The following EPHA3 variants were observed in gnomAD, a reference collection of about 807,000 sequenced individuals.
EPHA3 encodes the protein ephrin type-A receptor 3.
Under a neutral mutation model 107.1 loss-of-function variants are expected in EPHA3, and 42 were observed. The ratio of observed to expected loss-of-function variants is 0.39; its 90% confidence interval spans 0.31 to 0.51. The LOEUF (loss-of-function observed/expected upper bound fraction) is 0.51, where lower values mean the gene tolerates loss of function less well. Among genes scored for constraint, EPHA3 ranks in the 20% least tolerant of loss-of-function variants. EPHA3 has a pLI of 0.78. For missense variants in EPHA3, 1,183 were observed against 1,211.2 expected, an observed-to-expected ratio of 0.98 and a Z score of 0.35; for synonymous variants, 461 against 424.8, an observed-to-expected ratio of 1.09 and a Z score of -1.05.
In EPHA3 at chr3:89,209,899, A is replaced by T; in HGVS notation, c.193A>T (p.Ile65Phe). The T allele has an allele frequency of 6.2e-7, 1 of 1,612,624 alleles. No individual in the cohort carries two copies. The highest frequency in any genetic ancestry group is 8.5e-7 in the Non-Finnish European group (1 of 1,179,280). ...ISGVDEHYTPIRTYQVCNVMD... is the reference protein window; with the variant it reads ...ISGVDEHYTPFRTYQVCNVMD... ...TGGTGTGGATGAACATTACACACCC[A>T]TCAGGACTTACCAGGTGTGCAATGT... The change falls in exon 3 of 17, where the codon ATC becomes TTC. Residue 65 changes from isoleucine (I) to phenylalanine (F), a missense_variant. By Grantham distance (21) the Ile-to-Phe change is conservative (BLOSUM62 0). Coordinates refer to ENST00000336596, the MANE Select transcript of EPHA3 (RefSeq NM_005233.6).
intron 5 of EPHA3, 100 bp downstream of exon 5, chr3:89,342,190 T>C: frequency 1.8e-6 from 2 of 1,084,142 alleles, no homozygotes; most frequent in Non-Finnish European, 2.6e-6. Flanking sequence ...AAAGATTTTA[T>C]AGAACCCCAG....
At position 89,472,624 on chromosome 3, in the gene EPHA3, GA is replaced by G. The variant is rs752119882; in HGVS notation, c.2846+14del. On this transcript the variant is annotated splice_donor_region_variant and intron_variant, in intron 16 of 16. Transcript: ENST00000336596. ...AATAGCCAAGATTTCCACAGAGTAA[GA>G]AAAAAAAATTCATTAAGAAGAATGA... 110 of 1,579,502 alleles carry G rather than the reference GA, an allele frequency of 7.0e-5. No individual in the cohort carries two copies. The highest frequency in any genetic ancestry group is 1.7e-4 in the Middle Eastern group (1 of 5,930).
chr3:89,476,676 C>T (rs1710517656), intron 16 of EPHA3, among the ~76,000 whole-genome samples: 2 of 151,112 alleles, frequency 1.3e-5, no homozygotes, highest in Non-Finnish European at 2.9e-5. Flanking sequence ...GGCGCGATCT[C>T]GGCTCACTGC....
Position 89,209,880 on chromosome 3 carries a change from G to A in EPHA3, c.174G>A (p.Val58=), listed in dbSNP as rs771486126. The change falls in exon 3 of 17, where the codon GTG becomes GTA. Residue 58 remains valine, a synonymous_variant. Coordinates refer to ENST00000336596, the MANE Select transcript of EPHA3 (RefSeq NM_005233.6). ...PSHGWEEISG[V]DEHYTPIRTY... is the part of the protein sequence containing the mutation. ...TTCAGTGGGAAGAGATCAGTGGTGT[G>A]GATGAACATTACACACCCATCAGGA... is the stretch of plus-strand genomic sequence containing the variant. The A allele has an allele frequency of 3.1e-6, 5 of 1,606,204 alleles. No individual in the cohort carries two copies. The highest frequency in any genetic ancestry group is 4.3e-6 in the Non-Finnish European group (5 of 1,175,786).
intron 3 of EPHA3, among the ~76,000 whole-genome samples, chr3:89,288,022 T>A (rs1322114662): frequency 2.0e-5 from 3 of 152,108 alleles, no homozygotes; most frequent in Non-Finnish European, 4.4e-5. Context: ...CATACCAGAA[T>A]TTATTTTTTT....
chr3:89,183,845 A>G (rs1367425187), intron 2 of EPHA3, among the ~76,000 whole-genome samples: 5 of 151,960 alleles, frequency 3.3e-5, no homozygotes, highest in Admixed American at 1.3e-4. Context: ...ATTCATTTGC[A>G]AAACTCTAGG....
intron 2 of EPHA3, among the ~76,000 whole-genome samples, chr3:89,140,312 T>A (rs1408868546): frequency 6.6e-6 from 1 of 151,866 alleles, no homozygotes; most frequent in Non-Finnish European, 1.5e-5. Context: ...TAAAAATTAG[T>A]ATATCATTTT....
At chr3:89,188,296 C>T (rs541102382) in intron 2 of EPHA3, among the ~76,000 whole-genome samples, 14 of 152,294 alleles carry the variant, frequency 9.2e-5, no homozygotes, top group East Asian at 1.9e-4. Context: ...TGTTGCCAAA[C>T]GCTGTGGCTC....
intron 2 of EPHA3, among the ~76,000 whole-genome samples, chr3:89,148,133 C>T (rs1429911377): frequency 6.6e-6 from 1 of 151,906 alleles, no homozygotes; most frequent in Non-Finnish European, 1.5e-5. Flanking sequence ...CAGTAACACA[C>T]ACATGTGCTC....
chr3:89,165,573 A>G (rs972453495), intron 2 of EPHA3, among the ~76,000 whole-genome samples: 4 of 152,210 alleles, frequency 2.6e-5, no homozygotes, highest in African/African-American at 9.6e-5. Flanking sequence ...AGTCAAAATG[A>G]TCCATTCAAA....
rs1176705030 is a variant in EPHA3, at chr3:89,466,506, G to C, written c.2691-5958G>C. 3.9e-5 allele frequency among the ~76,000 whole-genome samples: 5 copies of C among 129,312 alleles called. 1 individual carries two copies. The highest frequency in any genetic ancestry group is 1.7e-5 in the Non-Finnish European group (1 of 59,966). 84.8% of individuals were successfully genotyped at this position (129,312 alleles called of 152,430 possible). A position where few individuals can be genotyped will look rare whatever the true frequency, so the allele number is the denominator to read the frequency against. ...AGACTCCGTGGGCGTAGGACCCTCCGAGCCAGGTGTGGGATATAGTCTTGT... is the reference window on the plus strand; with the variant it reads ...AGACTCCGTGGGCGTAGGACCCTCCCAGCCAGGTGTGGGATATAGTCTTGT... On this transcript the variant is annotated intron_variant, in intron 15 of 16. Transcript: ENST00000336596.
At chr3:89,244,351 T>C (rs1426915333) in intron 3 of EPHA3, among the ~76,000 whole-genome samples, 1 of 152,064 alleles carries the variant, frequency 6.6e-6, no homozygotes, top group Non-Finnish European at 1.5e-5. Flanking sequence ...TATATGCTAA[T>C]ATCTAAAAAT....
intron 8 of EPHA3, among the ~76,000 whole-genome samples, chr3:89,407,788 T>C (rs990088493): frequency 6.6e-5 from 10 of 152,188 alleles, no homozygotes; most frequent in Non-Finnish European, 1.0e-4. Context: ...TGTTAAAAAA[T>C]ACTATAAACA....
At chr3:89,163,247 A>T (rs887298566) in intron 2 of EPHA3, among the ~76,000 whole-genome samples, 1 of 152,128 alleles carries the variant, frequency 6.6e-6, no homozygotes, top group Non-Finnish European at 1.5e-5. Context: ...ATTTTAAGTA[A>T]AGGACTTAAG....
At chr3:89,337,009 C>T (rs886368405) in intron 3 of EPHA3, among the ~76,000 whole-genome samples, 2 of 151,474 alleles carry the variant, frequency 1.3e-5, no homozygotes, top group African/African-American at 4.9e-5. Context: ...GTCATCATGC[C>T]TCTGCACTCC....
chr3:89,286,919 A>G (rs1201105246), intron 3 of EPHA3, among the ~76,000 whole-genome samples: 1 of 151,956 alleles, frequency 6.6e-6, no homozygotes, highest in Non-Finnish European at 1.5e-5. Flanking sequence ...TTGTTTTCTT[A>G]GTTGTTCTTA....
At chr3:89,303,573 C>A (rs999846099) in intron 3 of EPHA3, among the ~76,000 whole-genome samples, 1 of 151,758 alleles carries the variant, frequency 6.6e-6, no homozygotes, top group Non-Finnish European at 1.5e-5. Context: ...TATTCCTACA[C>A]ATGAGTCAAA....
chr3:89,344,935 T>C (rs1302331020), intron 5 of EPHA3, among the ~76,000 whole-genome samples: 4 of 151,436 alleles, frequency 2.6e-5, no homozygotes, highest in Admixed American at 1.3e-4. Flanking sequence ...TAGGCCACCA[T>C]ATAAAGATTG....
intron 13 of EPHA3, among the ~76,000 whole-genome samples, chr3:89,448,821 G>A (rs970813419): frequency 1.3e-5 from 2 of 151,966 alleles, no homozygotes; most frequent in African/African-American, 2.4e-5. Context: ...TCTGAACTTC[G>A]ATTGCTTGGT....
Sources: gnomAD v4.1 joint callset for allele counts (sites outside exome capture counted in the v4.1 genomes callset) on GRCh38, gnomAD v4.1.1 for gene constraint, MANE v1.5 for transcripts, NCBI Gene and HGNC (gene_info 2026-07-23, HGNC 2026-07-21) for gene names.